The following GRHL3 variants were observed in gnomAD, a reference collection of about 807,000 sequenced individuals.
The protein encoded by GRHL3 is grainyhead like transcription factor 3.
In GRHL3, 20 loss-of-function variants were observed where a neutral mutation model predicts 70.3. That is an observed-to-expected ratio of 0.28 (90% CI 0.20 to 0.41). GRHL3 has a LOEUF of 0.41. GRHL3 is among the 10% of genes least tolerant of loss of function. The probability of loss-of-function intolerance (pLI) is 1.00; values close to 1 mark genes in which losing one functional copy is unlikely to be tolerated. For synonymous variants in GRHL3, 299 were observed against 299.9 expected, an observed-to-expected ratio of 1.00 and a Z score of 0.03; for missense variants, 637 against 762.3, an observed-to-expected ratio of 0.84 and a Z score of 1.94.
chr1:24,333,823 T>C (rs1639697147), intron 2 of GRHL3, among the ~76,000 whole-genome samples: 1 of 152,216 alleles, frequency 6.6e-6, no homozygotes. Flanking sequence ...TCAGAGTGAC[T>C]GTGAGGATTA....
intron 15 of GRHL3, 58 bp downstream of exon 15, chr1:24,350,180 C>A: frequency 6.8e-7 from 1 of 1,479,822 alleles, no homozygotes; most frequent in Non-Finnish European, 9.4e-7. Flanking sequence ...AATGTTTGTA[C>A]TTGGCCTTTG....
intron 8 of GRHL3, among the ~76,000 whole-genome samples, chr1:24,341,623 T>C (rs1640043243): frequency 6.6e-6 from 1 of 152,124 alleles, no homozygotes; most frequent in African/African-American, 2.4e-5. Context: ...GGTCCTGCTA[T>C]GGCTGGAGTG....
intron 12 of GRHL3, among the ~76,000 whole-genome samples, chr1:24,346,002 C>T (rs1381221890): frequency 1.3e-5 from 2 of 152,070 alleles, no homozygotes; most frequent in South Asian, 2.1e-4. Context: ...GGGTTATTGC[C>T]TTGCTTTATG....
intron 1 of GRHL3, among the ~76,000 whole-genome samples, chr1:24,327,312 A>G (rs1639433665): frequency 6.6e-6 from 1 of 152,212 alleles, no homozygotes. Context: ...ATCTTCCCCA[A>G]TTAGATTGTA....
rs546360348 is a variant in GRHL3, at chr1:24,338,722, G to A, written c.952+619G>A. Among the ~76,000 whole-genome samples the A allele has an allele frequency of 3.3e-4, 50 of 152,348 alleles. No homozygotes were observed. In the South Asian group the frequency reaches 7.0e-3, roughly 21 times the overall value. Reference sequence around the variant, plus strand: ...GTGCCCTGGGGAACATGATACACACGGGACTGTTTAATGACTTGTCCGAGA... The same window carrying A: ...GTGCCCTGGGGAACATGATACACACAGGACTGTTTAATGACTTGTCCGAGA... On this transcript the variant is annotated intron_variant, in intron 7 of 15. Coordinates refer to ENST00000361548, the MANE Select transcript of GRHL3 (RefSeq NM_198173.3).
At chr1:24,345,645 A>G (rs1640249910) in intron 12 of GRHL3, among the ~76,000 whole-genome samples, 1 of 152,120 alleles carries the variant, frequency 6.6e-6, no homozygotes, top group South Asian at 2.1e-4. Flanking sequence ...TCCTTCCCCA[A>G]CACACCCCCA....
At chr1:24,328,890 T>A (rs1315974149) in intron 1 of GRHL3, among the ~76,000 whole-genome samples, 2 of 152,240 alleles carry the variant, frequency 1.3e-5, no homozygotes, top group East Asian at 3.8e-4. Context: ...GTGGTCCCTG[T>A]TGATCCAGGG....
chr1:24,355,603 G>A (rs913852364), downstream of GRHL3, among the ~76,000 whole-genome samples: 1 of 152,214 alleles, frequency 6.6e-6, no homozygotes, highest in Non-Finnish European at 1.5e-5. Context: ...TGAGCTTGAA[G>A]AGGACCTCAC....
At chr1:24,363,294 C>A (rs1481485964) in intron 15 of GRHL3, among the ~76,000 whole-genome samples, 1 of 152,200 alleles carries the variant, frequency 6.6e-6, no homozygotes, top group Non-Finnish European at 1.5e-5. Context: ...AGGCTCAGAA[C>A]CTTCAGCCTA....
chr1:24,350,985 G>A (rs890534003), intron 15 of GRHL3, among the ~76,000 whole-genome samples: 1 of 152,318 alleles, frequency 6.6e-6, no homozygotes, highest in African/African-American at 2.4e-5. Context: ...TCCTGAGTAG[G>A]TGACTTCACC....
At chr1:24,361,950 C>T (rs1280486809) in intron 15 of GRHL3, among the ~76,000 whole-genome samples, 2 of 152,156 alleles carry the variant, frequency 1.3e-5, no homozygotes, top group African/African-American at 2.4e-5. Flanking sequence ...GAGACTTCTG[C>T]GCTTGTTACA....
Position 24,351,189 on chromosome 1 carries a change from C to T in GRHL3, c.1694+1067C>T, listed in dbSNP as rs189314016. 6.0e-4 allele frequency among the ~76,000 whole-genome samples: 92 copies of T among 152,320 alleles called. No homozygotes were observed. In the East Asian group the frequency reaches 0.012, roughly 19 times the overall value. On this transcript the variant is annotated intron_variant, in intron 15 of 15. Transcript: ENST00000361548. Reference sequence around the variant, plus strand: ...CTTGGAGGTGCTCAGCCACTTGCCCCGTGGCTACTGCAAGTGGATCTTCCT... The same window carrying T: ...CTTGGAGGTGCTCAGCCACTTGCCCTGTGGCTACTGCAAGTGGATCTTCCT...
chr1:24,324,415 A>T (rs1639315026), intron 1 of GRHL3, among the ~76,000 whole-genome samples: 1 of 152,190 alleles, frequency 6.6e-6, no homozygotes, highest in Non-Finnish European at 1.5e-5. Context: ...AGATATCCCG[A>T]TTCATAGGCT....
chr1:24,322,324 G>GGCCGCC lies in GRHL3; in HGVS notation c.17+2764_17+2769dup, dbSNP rs1365737615. On this transcript the variant is annotated intron_variant, in intron 1 of 15. Coordinates refer to ENST00000361548, the MANE Select transcript of GRHL3 (RefSeq NM_198173.3). This position sits in a 1 kb window ranked among gnomAD's most constrained non-coding sequence, Gnocchi z 4.4. ...CTAGAACCGTCGCAGTCCTGACCGC[G>GGCCGCC]GCCGCCGCCGCCGTTCTATCTGATC... 2.0e-5 allele frequency among the ~76,000 whole-genome samples: 3 copies of GGCCGCC among 152,068 alleles called. No homozygotes were observed. The highest frequency in any genetic ancestry group is 4.4e-5 in the Non-Finnish European group (3 of 67,998).
At position 24,321,644 on chromosome 1, in the gene GRHL3, C is replaced by T. The variant is rs1639190099; in HGVS notation, c.17+2076C>T. On this transcript the variant is annotated intron_variant, in intron 1 of 15. Transcript: ENST00000361548. The surrounding 1 kb of genome is among the most constrained non-coding windows in gnomAD (Gnocchi z 4.0). ...TTTGTCCTCCCTGACCCTCAGTCTG[C>T]TCATCTGTCTGTAACACCTACCTGG... is the stretch of plus-strand genomic sequence containing the variant. 1 of 152,340 alleles carries T rather than the reference C, an allele frequency of 6.6e-6. No homozygotes were observed. The highest frequency in any genetic ancestry group is 2.4e-5 in the African/African-American group (1 of 41,468). 9.4% of individuals were successfully genotyped at this position (152,340 alleles called of 1,614,324 possible). A position where few individuals can be genotyped will look rare whatever the true frequency, so the allele number is the denominator to read the frequency against.
At chr1:24,335,634 G>A (rs1247279370) in intron 3 of GRHL3, among the ~76,000 whole-genome samples, 1 of 150,558 alleles carries the variant, frequency 6.6e-6, no homozygotes, top group Non-Finnish European at 1.5e-5. Flanking sequence ...CCAGGCTGGA[G>A]TGCAGTGGCG....
At chr1:24,350,917 C>G (rs149183549) in intron 15 of GRHL3, among the ~76,000 whole-genome samples, 1 of 152,200 alleles carries the variant, frequency 6.6e-6, no homozygotes, top group African/African-American at 2.4e-5. Context: ...CACATGGTAA[C>G]TGTCCTCCAG....
intron 15 of GRHL3, among the ~76,000 whole-genome samples, chr1:24,362,354 C>G (rs1641177231): frequency 6.6e-6 from 1 of 152,172 alleles, no homozygotes; most frequent in Admixed American, 6.5e-5. Context: ...GTGTTTGGCA[C>G]CTAGCAATAT....
chr1:24,336,974 G>A (rs1639842846), intron 4 of GRHL3, 104 bp from the exon 5 acceptor site: 2 of 1,275,356 alleles, frequency 1.6e-6, no homozygotes, highest in Admixed American at 3.6e-5. Context: ...TATTGTCCAA[G>A]TTGTACACTG....
Sources: gnomAD v4.1 joint callset for allele counts (sites outside exome capture counted in the v4.1 genomes callset) on GRCh38, gnomAD v4.1.1 for gene constraint, Gnocchi (gnomAD v3.1) non-coding constraint, MANE v1.5 for transcripts, NCBI Gene and HGNC (gene_info 2026-07-23, HGNC 2026-07-21) for gene names.